SHISA5: variants seen among roughly 807,000 people sequenced by gnomAD.
SHISA5 encodes the protein shisa family member 5, also known as protein shisa-5.
Under a neutral mutation model 27.5 loss-of-function variants are expected in SHISA5, and 21 were observed. The ratio of observed to expected loss-of-function variants is 0.76; its 90% CI spans 0.54 to 1.10. The LOEUF (loss-of-function observed/expected upper bound fraction) is 1.10, where lower values mean the gene tolerates loss of function less well. Among genes scored for constraint, SHISA5 ranks in the 50% least tolerant of loss-of-function variants. The pLI is 0.00. For synonymous variants in SHISA5, 137 were observed against 142.2 expected (o/e 0.96, Z 0.26); for missense variants, 314 against 336.3 (o/e 0.93, Z 0.52).
intron 3 of SHISA5, among the ~76,000 whole-genome samples, chr3:48,478,116 G>A (rs958762899): frequency 2.6e-5 from 4 of 152,218 alleles, no homozygotes; most frequent in Non-Finnish European, 2.9e-5. Flanking sequence ...CATCTCCCAC[G>A]GGGCCATCTG....
chr3:48,476,104 A>G (rs1181589375), intron 3 of SHISA5, among the ~76,000 whole-genome samples: 1 of 152,110 alleles, frequency 6.6e-6, no homozygotes, highest in Non-Finnish European at 1.5e-5. Flanking sequence ...GCATTTTGGG[A>G]GGCTGAGGCG....
chr3:48,477,674 C>T lies in SHISA5; in HGVS notation c.314+1503G>A, dbSNP rs2040869931. ...TGCTCTTCAATCTGCTCCACTGCCT[C>T]GCTCTTGCCCAGGGTGCCATGGACT... is the stretch of plus-strand genomic sequence containing the variant. On this transcript the variant is annotated intron_variant, in intron 3 of 5. Coordinates refer to ENST00000296444, the MANE Select transcript of SHISA5 (RefSeq NM_016479.6). Among the ~76,000 whole-genome samples the T allele has an allele frequency of 2.0e-5, 3 of 152,230 alleles. No homozygotes were observed. In the South Asian group the frequency reaches 6.2e-4, roughly 32 times the overall value.
chr3:48,498,089 A>G lies in SHISA5; in HGVS notation c.233+3048T>C, dbSNP rs150614744. The stretch of plus-strand genomic sequence containing the variant: ...GAGTAATATAATTTACCATATTAAC[A>G]GAATAAAAATTTTAAAATCATACAG... On this transcript the variant is annotated intron_variant, in intron 2 of 5. Coordinates refer to ENST00000296444, the MANE Select transcript of SHISA5 (RefSeq NM_016479.6). Among the ~76,000 whole-genome samples the G allele has an allele frequency of 2.6e-3, 399 of 152,352 alleles. 3 individuals carry two copies. Among genetic ancestry groups the G allele is most frequent in the African/African-American group, 8.9e-3 (371 of 41,580 alleles).
At position 48,469,136 on chromosome 3, in the gene SHISA5, A is replaced by C. The variant is rs1205133944; in HGVS notation, c.694T>G (p.Tyr232Asp). The C allele has an allele frequency of 6.2e-7, 1 of 1,613,124 alleles. No individual in the cohort carries two copies. Among genetic ancestry groups the C allele is most frequent in the African/African-American group, 1.3e-5 (1 of 75,048 alleles). Residue 232 changes from tyrosine to aspartate, a missense_variant, in exon 6 of 6, where the codon TAC (tyrosine) becomes GAC (aspartate). By Grantham distance (160) the Tyr-to-Asp change is radical (BLOSUM62 -3). Coordinates refer to ENST00000296444, the MANE Select transcript of SHISA5 (RefSeq NM_016479.6). This position sits in a 1 kb window ranked among gnomAD's most constrained non-coding sequence, Gnocchi z 4.6. ...PASQPPYNPA[Y>D]MDAPKAAL ...AGGGCCGCCTTCGGGGCATCCATGT[A>C]GGCCGGGTTGTAAGGAGGCTGGCTG...
Position 48,479,215 on chromosome 3 carries a change from C to T in SHISA5, c.276G>A (p.Ala92=), listed in dbSNP as rs768408060. 3 of 1,541,138 alleles carry T rather than the reference C, an allele frequency of 1.9e-6. No individual in the cohort carries two copies. Among genetic ancestry groups the T allele is most frequent in the African/African-American group, 1.6e-5 (1 of 62,798 alleles). ...CGTTGTAGCCAGGGCGAAACCTCAGCGCCGAGCCCAGCTGCTCCACCGGCT... is the reference window on the plus strand; with the variant it reads ...CGTTGTAGCCAGGGCGAAACCTCAGTGCCGAGCCCAGCTGCTCCACCGGCT... ...SVEPVEQLGS[A]LRFRPGYNDP... Residue 92 remains alanine (A), a synonymous_variant, in exon 3 of 6, where the codon GCG becomes GCA. Coordinates refer to ENST00000296444, the MANE Select transcript of SHISA5 (RefSeq NM_016479.6).
intron 2 of SHISA5, among the ~76,000 whole-genome samples, chr3:48,500,567 A>G (rs2041723291): frequency 6.6e-6 from 1 of 152,132 alleles, no homozygotes; most frequent in Non-Finnish European, 1.5e-5. Flanking sequence ...GAGGCCAAAC[A>G]CAAAGGAAAT....
At chr3:48,500,070 C>T (rs2041709470) in intron 2 of SHISA5, among the ~76,000 whole-genome samples, 1 of 151,832 alleles carries the variant, frequency 6.6e-6, no homozygotes, top group Admixed American at 6.6e-5. Context: ...AGAATTCTTA[C>T]ACAGCTCCAT....
intron 1 of SHISA5, among the ~76,000 whole-genome samples, 156 bp from the exon 2 acceptor site, chr3:48,501,449 C>T (rs1464454017): frequency 6.6e-6 from 1 of 152,120 alleles, no homozygotes; most frequent in Non-Finnish European, 1.5e-5. Flanking sequence ...GACCCCTGGC[C>T]ACTGCTCCCC....
intron 1 of SHISA5, among the ~76,000 whole-genome samples, chr3:48,501,845 A>AT (rs2041762773): frequency 4.0e-5 from 6 of 148,930 alleles, no homozygotes; most frequent in African/African-American, 1.5e-4. Flanking sequence ...CAGACACTGG[A>AT]CTGTCCCTTT....
chr3:48,502,737 G>A (rs2041793643), intron 1 of SHISA5, among the ~76,000 whole-genome samples: 1 of 152,202 alleles, frequency 6.6e-6, no homozygotes, highest in South Asian at 2.1e-4. Flanking sequence ...GTCCAGCAAG[G>A]CCCACAAGTC....
At chr3:48,488,813 A>C (rs2107354894) in intron 2 of SHISA5, among the ~76,000 whole-genome samples, 1 of 150,422 alleles carries the variant, frequency 6.6e-6, no homozygotes, top group East Asian at 2.0e-4. Context: ...AGCCTGAGCA[A>C]CAAGAGCGAA....
intron 3 of SHISA5, among the ~76,000 whole-genome samples, chr3:48,474,313 T>C (rs1303518691): frequency 6.6e-6 from 1 of 151,566 alleles, no homozygotes; most frequent in African/African-American, 2.4e-5. Context: ...TTTTTAATCT[T>C]TAATTAAAAT....
chr3:48,485,557 TTATATATAA>T (rs1380804519), intron 2 of SHISA5, among the ~76,000 whole-genome samples: 1 of 143,294 alleles, frequency 7.0e-6, no homozygotes. Context: ...ATATAATATA[TTATATATAA>T]TATATATTCT....
At chr3:48,475,004 A>G (rs2040771648) in intron 3 of SHISA5, among the ~76,000 whole-genome samples, 1 of 152,144 alleles carries the variant, frequency 6.6e-6, no homozygotes, top group South Asian at 2.1e-4. Flanking sequence ...GTGTGTGAGC[A>G]TTTGATCAAC....
chr3:48,473,549 G>T lies in SHISA5; in HGVS notation c.315-3706C>A. 1 of 1,280,756 alleles carries T rather than the reference G, an allele frequency of 7.8e-7. No homozygotes were observed. 79.3% of individuals were successfully genotyped at this position (1,280,756 alleles called of 1,614,324 possible). On this transcript the variant is annotated intron_variant, in intron 3 of 5. Transcript: ENST00000296444. This position sits in a 1 kb window ranked among gnomAD's most constrained non-coding sequence, Gnocchi z 4.3. ...GAGCAAAGTCCAGCCTGTCCCTTTA[G>T]CTCCTCCTCTCCCACCAGCACTCTC...
rs1358700841 is a variant in SHISA5, at chr3:48,469,977, C to G, written c.315-134G>C. 1.2e-5 allele frequency: 15 copies of G among 1,205,066 alleles called. No homozygotes were observed. The highest frequency in any genetic ancestry group is 1.7e-5 in the Non-Finnish European group (15 of 866,320). 74.6% of individuals were successfully genotyped at this position (1,205,066 alleles called of 1,614,324 possible). A position where few individuals can be genotyped will look rare whatever the true frequency, so the allele number is the denominator to read the frequency against. ...TATAGCTACTTCCTTGTCGGGTGGC[C>G]TGCACCTGTTTCAATCTGTTTCCTC... On this transcript the variant is annotated intron_variant, in intron 3 of 5. Coordinates refer to ENST00000296444, the MANE Select transcript of SHISA5 (RefSeq NM_016479.6). The surrounding 1 kb of genome is among the most constrained non-coding windows in gnomAD (Gnocchi z 4.6).
Position 48,469,518 on chromosome 3 carries a change from A to T in SHISA5, c.486T>A (p.Pro162=), listed in dbSNP as rs149200061. The change falls in exon 5 of 6, where the codon CCT becomes CCA. Residue 162 remains proline, a synonymous_variant. Transcript: ENST00000296444. The surrounding 1 kb of genome is among the most constrained non-coding windows in gnomAD (Gnocchi z 4.6). ...CAGGGTAGCTGGGCGGCACACTTGG[A>T]GGCTGAGGATAAGGGGCATGCACCA... ...TTVVHAPYPQ[P]PSVPPSYPGP... The T allele has an allele frequency of 6.2e-7, 1 of 1,613,520 alleles. No homozygotes were observed. The highest frequency in any genetic ancestry group is 8.5e-7 in the Non-Finnish European group (1 of 1,179,824).
In SHISA5 at chr3:48,468,087, G is replaced by T; in HGVS notation, c.*1020C>A. 1 of 946,600 alleles carries T rather than the reference G, an allele frequency of 1.1e-6. No individual in the cohort carries two copies. The highest frequency in any genetic ancestry group is 1.3e-6 in the Non-Finnish European group (1 of 783,158). The allele number at this position is 946,600 out of a possible 1,614,324, so 58.6% of individuals were successfully genotyped here. ...CAGGTGTCCCTGCTGCCAGAACACC[G>T]TGGACTGGGGTACAGGAGTTGTTGC... On this transcript the variant is annotated 3_prime_UTR_variant, in exon 6 of 6. Transcript: ENST00000296444.
At chr3:48,489,622 T>TTTTC (rs1276247035) in intron 2 of SHISA5, among the ~76,000 whole-genome samples, 4 of 91,782 alleles carry the variant, frequency 4.4e-5, no homozygotes, top group African/African-American at 2.3e-4. Context: ...GCGCCTGGCC[T>TTTTC]TTTTTTTTTT....
Sources: gnomAD v4.1 joint callset for allele counts (sites outside exome capture counted in the v4.1 genomes callset) on GRCh38, gnomAD v4.1.1 for gene constraint, Gnocchi (gnomAD v3.1) non-coding constraint, MANE v1.5 for transcripts, NCBI Gene and HGNC (gene_info 2026-07-23, HGNC 2026-07-21) for gene names.